The following PTPRS variants were observed in gnomAD, a reference collection of about 807,000 sequenced individuals.
The protein encoded by PTPRS is receptor-type tyrosine-protein phosphatase S.
In PTPRS, 63 loss-of-function variants were observed where a neutral mutation model predicts 215.3. The observed-to-expected ratio is 0.29, with a 90% CI of 0.24 to 0.36. The LOEUF is 0.36. Among genes scored for constraint, PTPRS ranks in the 10% least tolerant of loss-of-function variants. The probability of loss-of-function intolerance (pLI) is 1.00; values close to 1 mark genes in which losing one functional copy is unlikely to be tolerated. For missense variants in PTPRS, 2,258 were observed against 2,825.8 expected (o/e 0.80, Z 4.56); for synonymous variants, 1,404 against 1,191.4 (o/e 1.18, Z -3.68).
At chr19:5,222,481 G>C (rs1455487762) in intron 18 of PTPRS, among the ~76,000 whole-genome samples, 1 of 151,708 alleles carries the variant, frequency 6.6e-6, no homozygotes, top group African/African-American at 2.4e-5. Context: ...GGGAGCAAGG[G>C]GAGGGGGCAG....
At chr19:5,208,098 G>A in intron 36 of PTPRS, 41 bp from the exon 37 acceptor site, 2 of 1,599,922 alleles carry the variant, frequency 1.3e-6, no homozygotes, top group Non-Finnish European at 1.7e-6. Flanking sequence ...AGGGGCAGGT[G>A]CTGGGGAGCC....
chr19:5,274,482 G>C lies in PTPRS; in HGVS notation c.92-138C>G, dbSNP rs545101625. Reference sequence around the variant, plus strand: ...GGCCAATGAAGAGAGGAGGAGGAAAGCAAGGATGACAACAAACACCCTCCC... The same window carrying C: ...GGCCAATGAAGAGAGGAGGAGGAAACCAAGGATGACAACAAACACCCTCCC... On this transcript the variant is annotated intron_variant, in intron 2 of 37. Coordinates refer to ENST00000262963, the MANE Select transcript of PTPRS (RefSeq NM_002850.4). 58 of 1,108,456 alleles carry C rather than the reference G, an allele frequency of 5.2e-5. No homozygotes were observed. The East Asian group carries it at 1.3e-3, about 25-fold the overall frequency. 68.7% of individuals were successfully genotyped at this position (1,108,456 alleles called of 1,614,324 possible).
At chr19:5,236,011 T>C (rs1244511448) in intron 13 of PTPRS, among the ~76,000 whole-genome samples, 2 of 152,196 alleles carry the variant, frequency 1.3e-5, no homozygotes, top group African/African-American at 2.4e-5. Flanking sequence ...TTAACGCATG[T>C]ATCATCTCAT....
At chr19:5,216,533 A>G (rs2041474284) in intron 26 of PTPRS, among the ~76,000 whole-genome samples, 187 bp downstream of exon 26, 1 of 152,114 alleles carries the variant, frequency 6.6e-6, no homozygotes, top group African/African-American at 2.4e-5. Flanking sequence ...CAGCAGTCAC[A>G]CACAGCCACC....
chr19:5,326,796 AG>A (rs2050180344), intron 1 of PTPRS, among the ~76,000 whole-genome samples: 1 of 145,238 alleles, frequency 6.9e-6, no homozygotes, highest in South Asian at 2.4e-4. Flanking sequence ...GGAAGGAGGG[AG>A]GGAGGGAGGG....
intron 13 of PTPRS, among the ~76,000 whole-genome samples, chr19:5,236,364 A>T (rs1291719425): frequency 6.6e-6 from 1 of 152,160 alleles, no homozygotes. Context: ...TGGAACCCAG[A>T]CTTGGCCGTG....
In PTPRS at chr19:5,245,816, G is replaced by C; in HGVS notation, c.948C>G (p.Ser316Arg). The change falls in exon 10 of 38, where the codon AGC becomes AGG. Residue 316 changes from serine (S) to arginine (R), a missense_variant. By Grantham distance (110) the Ser-to-Arg change is moderately radical. This residue lies in a region of PTPRS where 508 missense variants were observed against 799.4 expected (regional missense o/e 0.64). Transcript: ENST00000262963. ...GAGCAACCGCCTCAATGACGCCCAG[G>C]CTGGACATGGCCACGCAGGTGTAGT... ...SANYTCVAMSSLGVIEAVAQI... is the reference protein window; with the variant it reads ...SANYTCVAMSRLGVIEAVAQI... 6.2e-7 allele frequency: 1 copy of C among 1,612,598 alleles called. No individual in the cohort carries two copies. Among genetic ancestry groups the C allele is most frequent in the Non-Finnish European group, 8.5e-7 (1 of 1,179,336 alleles).
In PTPRS at chr19:5,291,657, C is replaced by T. The variant is rs578004121; in HGVS notation, c.-94-5423G>A. Among the ~76,000 whole-genome samples, 8 of 152,196 alleles carry T rather than the reference C, an allele frequency of 5.3e-5. No homozygotes were observed. In the South Asian group the frequency reaches 1.5e-3, roughly 28 times the overall value. ...ACTGCCTCAGGTCTCTGAGCCTCTTCGCATGCAGGTCCCCCACCTGGCACA... is the reference window on the plus strand; with the variant it reads ...ACTGCCTCAGGTCTCTGAGCCTCTTTGCATGCAGGTCCCCCACCTGGCACA... On this transcript the variant is annotated intron_variant, in intron 1 of 37. Transcript: ENST00000262963.
At chr19:5,260,781 G>T (rs767587236) in intron 7 of PTPRS, 24 bp downstream of exon 7, 1 of 1,613,428 alleles carries the variant, frequency 6.2e-7, no homozygotes, top group African/African-American at 1.3e-5. Flanking sequence ...GCGTGAGTGG[G>T]TGGGTGAGTG....
In PTPRS at chr19:5,210,927, G is replaced by T; in HGVS notation, c.5235-122C>A. ...AGCTACACCTACCACCCCACTGCCT[G>T]CCAGGAATGGCTGCTGGGTGCACCA... is the stretch of plus-strand genomic sequence containing the variant. On this transcript the variant is annotated intron_variant, in intron 33 of 37. Coordinates refer to ENST00000262963, the MANE Select transcript of PTPRS (RefSeq NM_002850.4). This position sits in a 1 kb window ranked among gnomAD's most constrained non-coding sequence, Gnocchi z 4.5. The T allele has an allele frequency of 2.3e-6, 3 of 1,324,104 alleles. No individual in the cohort carries two copies. The highest frequency in any genetic ancestry group is 5.0e-5 in the East Asian group (2 of 40,126). 82.0% of individuals were successfully genotyped at this position (1,324,104 alleles called of 1,614,324 possible).
Position 5,220,986 on chromosome 19 carries a change from G to A in PTPRS, c.3455+14C>T, listed in dbSNP as rs1197877011. On this transcript the variant is annotated intron_variant, in intron 20 of 37. Transcript: ENST00000262963. ...GGGGGTGACAAGGAACCCGGAGCAT[G>A]GGGGTGAGCATACTGGACAGGCACG... 2 of 1,593,690 alleles carry A rather than the reference G, an allele frequency of 1.3e-6. No individual in the cohort carries two copies. Among genetic ancestry groups the A allele is most frequent in the South Asian group, 1.1e-5 (1 of 88,910 alleles).
At chr19:5,223,417 G>GA in intron 17 of PTPRS, 120 bp from the exon 18 acceptor site, 1 of 1,216,904 alleles carries the variant, frequency 8.2e-7, no homozygotes. Context: ...GTTGGGGGGG[G>GA]TCTTACTCTG....
In PTPRS at chr19:5,231,374, G is replaced by A. The variant is rs79957927; in HGVS notation, c.2091C>T (p.Val697=). ...GCCCTGGTCCCACCTCTGTGTGAGC[G>A]ACAGTCGTGATGCGGTACTGGGTCC... ...EKWTQYRITT[V]AHTEVGPGPE... is the part of the protein sequence containing the mutation. The change falls in exon 14 of 38, where the codon GTC becomes GTT. Residue 697 remains valine (V), a synonymous_variant. Transcript: ENST00000262963. The A allele has an allele frequency of 5.8e-4, 929 of 1,612,852 alleles. 4 individuals carry two copies. The African/African-American group carries it at 0.011, about 19-fold the overall frequency.
At chr19:5,334,961 A>C (rs2147305015) in intron 1 of PTPRS, among the ~76,000 whole-genome samples, 1 of 152,324 alleles carries the variant, frequency 6.6e-6, no homozygotes, top group East Asian at 1.9e-4. Context: ...AGCTGTTATT[A>C]TCCCCCCGAC....
chr19:5,331,051 G>A (rs997368335), intron 1 of PTPRS, among the ~76,000 whole-genome samples: 2 of 149,914 alleles, frequency 1.3e-5, no homozygotes, highest in Non-Finnish European at 2.9e-5. Flanking sequence ...TTGGGTGGAC[G>A]CTCAGGGACA....
chr19:5,222,618 G>A (rs2042091184), intron 18 of PTPRS, 71 bp downstream of exon 18: 3 of 1,414,186 alleles, frequency 2.1e-6, no homozygotes, highest in Non-Finnish European at 2.8e-6. Flanking sequence ...GCAGGGGAGA[G>A]GGAGGGGGCT....
intron 5 of PTPRS, among the ~76,000 whole-genome samples, chr19:5,263,900 G>C (rs1261601485): frequency 2.0e-5 from 3 of 152,228 alleles, no homozygotes; most frequent in African/African-American, 7.2e-5. Flanking sequence ...TGTGCCCACA[G>C]GCGGGAGGCA....
At position 5,244,755 on chromosome 19, in the gene PTPRS, C is replaced by T. The variant is rs907790566; in HGVS notation, c.989-273G>A. Among the ~76,000 whole-genome samples, 11 of 152,148 alleles carry T rather than the reference C, an allele frequency of 7.2e-5. No individual in the cohort carries two copies. Among genetic ancestry groups the T allele is most frequent in the Admixed American group, 2.6e-4 (4 of 15,274 alleles). On this transcript the variant is annotated intron_variant, in intron 10 of 37. Coordinates refer to ENST00000262963, the MANE Select transcript of PTPRS (RefSeq NM_002850.4). This position sits in a 1 kb window ranked among gnomAD's most constrained non-coding sequence, Gnocchi z 7.2. ...CACGATCTCGGCTCACTGCAAGCTC[C>T]GTCTCCCGGGTTCACACAATTCTCC...
At chr19:5,226,047 A>C (rs958243505) in intron 16 of PTPRS, among the ~76,000 whole-genome samples, 1 of 152,018 alleles carries the variant, frequency 6.6e-6, no homozygotes, top group African/African-American at 2.4e-5. Context: ...GGACGAGCCC[A>C]TTGTCGCTTG....
Sources: allele counts gnomAD v4.1 joint callset (sites outside exome capture counted in the v4.1 genomes callset), GRCh38; gene constraint gnomAD v4.1.1; regional missense constraint gnomAD v4.1.1; non-coding constraint Gnocchi (gnomAD v3.1); transcripts MANE v1.5; gene names NCBI Gene and HGNC (gene_info 2026-07-23, HGNC 2026-07-21).